Variants in DYNC2I1 observed in about 807,000 individuals in gnomAD.
The protein encoded by DYNC2I1 is cytoplasmic dynein 2 intermediate chain 1.
DYNC2I1 carries 89 observed loss-of-function variants against 133.4 expected under a neutral mutation model. The observed-to-expected ratio is 0.67, with a 90% confidence interval of 0.56 to 0.80. DYNC2I1 has a LOEUF of 0.80. Ranked by LOEUF, DYNC2I1 falls within the 30% of genes least tolerant of loss-of-function variation. The pLI is 0.00. For missense variants in DYNC2I1, 1,291 were observed against 1,314.5 expected, an observed-to-expected ratio of 0.98 and a Z score of 0.28; for synonymous variants, 504 against 484.3, an observed-to-expected ratio of 1.04 and a Z score of -0.54.
rs10266410 is a variant in DYNC2I1 at position 158,870,138 on chromosome 7, C to T, written c.69+230C>T. 4.1e-3 allele frequency among the ~76,000 whole-genome samples: 621 copies of T among 152,246 alleles called. 11 individuals carry two copies. The highest frequency in any genetic ancestry group is 0.014 in the African/African-American group (565 of 41,548). On this transcript the variant is annotated intron_variant, in intron 2 of 24. Coordinates refer to ENST00000407559, the MANE Select transcript of DYNC2I1 (RefSeq NM_018051.5). ...GGCTCTGCCATGGCTCAGGGGCCTC[C>T]GCACTGCTTTAGGGCAGGGAGTGCT...
At chr7:158,873,838 C>T (rs1348020664) in intron 3 of DYNC2I1, among the ~76,000 whole-genome samples, 1 of 151,482 alleles carries the variant, frequency 6.6e-6, no homozygotes, top group African/African-American at 2.4e-5. Context: ...CCCACTGCAG[C>T]CTCCGCCTCC....
At chr7:158,861,085 C>T (rs749315809) in intron 1 of DYNC2I1, among the ~76,000 whole-genome samples, 2 of 152,262 alleles carry the variant, frequency 1.3e-5, no homozygotes, top group Admixed American at 6.5e-5. Flanking sequence ...TGAAAGAGCT[C>T]AGGGCTGTCA....
chr7:158,952,135 A>G (rs1050316749), intron 4 of DYNC2I1, among the ~76,000 whole-genome samples: 2 of 152,132 alleles, frequency 1.3e-5, no homozygotes, highest in Non-Finnish European at 2.9e-5. Flanking sequence ...GCAGAAGAAG[A>G]GCCCAGAGGG....
intron 4 of DYNC2I1, 44 bp from the exon 5 acceptor site, chr7:158,879,639 CT>C: frequency 1.3e-6 from 2 of 1,518,630 alleles, no homozygotes; most frequent in South Asian, 2.7e-5. Context: ...GGCTGCACTC[CT>C]ATTTGATGTG....
intron 17 of DYNC2I1, among the ~76,000 whole-genome samples, chr7:158,925,751 C>T (rs1472371257): frequency 2.6e-5 from 4 of 152,078 alleles, no homozygotes; most frequent in Non-Finnish European, 5.9e-5. Flanking sequence ...CGGAGGTCTC[C>T]CCCATTTCCT....
At chr7:158,862,526 G>C (rs148271192) in intron 1 of DYNC2I1, among the ~76,000 whole-genome samples, 3,490 of 147,734 alleles carry the variant, frequency 0.024, 149 homozygotes, top group African/African-American at 0.084. Flanking sequence ...AGGCCAGCCT[G>C]GGCAACATAG....
chr7:158,935,149 A>G (rs1453934807), intron 23 of DYNC2I1, among the ~76,000 whole-genome samples: 1 of 152,244 alleles, frequency 6.6e-6, no homozygotes, highest in Non-Finnish European at 1.5e-5. Context: ...ATAGAAATTA[A>G]TGTTCAGAGT....
intron 24 of DYNC2I1, 37 bp downstream of exon 24, chr7:158,942,185 G>GC (rs1173786013): frequency 6.7e-7 from 1 of 1,481,998 alleles, no homozygotes; most frequent in Admixed American, 2.4e-5. Context: ...GCTGGTTGTG[G>GC]GGGGGCTTCG....
At chr7:158,899,345 C>T (rs750111514) in intron 8 of DYNC2I1, among the ~76,000 whole-genome samples, 32 of 152,186 alleles carry the variant, frequency 2.1e-4, no homozygotes, top group Non-Finnish European at 4.1e-4. Flanking sequence ...CACACATACA[C>T]ACACACGGAT....
intron 3 of DYNC2I1, among the ~76,000 whole-genome samples, chr7:158,871,815 C>T (rs1467480030): frequency 6.6e-6 from 1 of 152,210 alleles, no homozygotes; most frequent in Non-Finnish European, 1.5e-5. Flanking sequence ...GCATTACAGA[C>T]ATGCCACTGT....
rs570560884 is a variant in DYNC2I1 at position 158,922,438 on chromosome 7, C to T, written c.1983C>T (p.His661=). The change falls in exon 16 of 25, where the codon CAC becomes CAT. Residue 661 remains histidine (H), a synonymous_variant. Transcript: ENST00000407559. ...AGAGGCAGATGGTGGTCTCCGTTCA[C>T]GACTTACCCGAGAAGAGCTTTGTGC... ...RVQRQMVVSV[H]DLPEKSFVPL... is the part of the protein sequence containing the mutation. 48 of 1,614,004 alleles carry T rather than the reference C, an allele frequency of 3.0e-5. No individual in the cohort carries two copies. Among genetic ancestry groups the T allele is most frequent in the Middle Eastern group, 1.6e-4 (1 of 6,062 alleles).
chr7:158,942,670 T>C (rs188939103), intron 24 of DYNC2I1, among the ~76,000 whole-genome samples: 260 of 152,368 alleles, frequency 1.7e-3, no homozygotes, highest in African/African-American at 6.1e-3. Context: ...AAGTTTGTAA[T>C]GTCTGAACGA....
intron 23 of DYNC2I1, among the ~76,000 whole-genome samples, chr7:158,941,028 A>G (rs1421445506): frequency 1.3e-5 from 2 of 152,202 alleles, no homozygotes; most frequent in Admixed American, 1.3e-4. Flanking sequence ...ACAGAAGATC[A>G]ATGAAATGAA....
Position 158,926,984 on chromosome 7 carries a change from G to GT in DYNC2I1, c.2434-3dup, listed in dbSNP as rs751406987. 3.8e-6 allele frequency: 6 copies of GT among 1,593,994 alleles called. No individual in the cohort carries two copies. The highest frequency in any genetic ancestry group is 5.1e-6 in the Non-Finnish European group (6 of 1,167,418). ...TATCAATATTCATTTTCAATATTCT[G>GT]TTTTTAGGTGGTTGTTGAATTACCA... On this transcript the variant is annotated splice_region_variant and splice_polypyrimidine_tract_variant and intron_variant, in intron 19 of 24. Coordinates refer to ENST00000407559, the MANE Select transcript of DYNC2I1 (RefSeq NM_018051.5).
chr7:158,942,143 C>A lies in DYNC2I1; in HGVS notation c.2997C>A (p.Pro999=), dbSNP rs780558757. 1 of 1,544,248 alleles carries A rather than the reference C, an allele frequency of 6.5e-7. No homozygotes were observed. The highest frequency in any genetic ancestry group is 1.9e-5 in the Admixed American group (1 of 53,750). The change falls in exon 24 of 25, where the codon CCC becomes CCA. Residue 999 remains proline, a synonymous_variant. Coordinates refer to ENST00000407559, the MANE Select transcript of DYNC2I1 (RefSeq NM_018051.5). ...CTGTCGCCAAACAGCAGGTCTCCCC[C>A]AACAGGCAAGTGGGGAAGCTCTGGA... ...LGPVAKQQVS[P]NRLVAMAAVG...
intron 20 of DYNC2I1, among the ~76,000 whole-genome samples, chr7:158,927,539 A>T (rs1368684257): frequency 1.3e-5 from 2 of 151,322 alleles, no homozygotes; most frequent in Non-Finnish European, 1.5e-5. Flanking sequence ...TAGAATAATC[A>T]AATGATATTC....
chr7:158,909,662 AC>A (rs1304519181), intron 11 of DYNC2I1, among the ~76,000 whole-genome samples: 1 of 152,202 alleles, frequency 6.6e-6, no homozygotes, highest in East Asian at 1.9e-4. Context: ...TACCGGAGCA[AC>A]CAAGGCCGCT....
intron 8 of DYNC2I1, among the ~76,000 whole-genome samples, chr7:158,899,105 G>A (rs1846002890): frequency 6.6e-6 from 1 of 152,078 alleles, no homozygotes; most frequent in Non-Finnish European, 1.5e-5. Context: ...AATGGCATAG[G>A]ATTTGCATAT....
At chr7:158,873,637 ATAAAG>A (rs1563089719) in intron 3 of DYNC2I1, among the ~76,000 whole-genome samples, 3 of 152,202 alleles carry the variant, frequency 2.0e-5, no homozygotes, top group Admixed American at 6.5e-5. Flanking sequence ...ACTTAAAGAA[ATAAAG>A]TAGAGTCAGG....
Sources: allele counts gnomAD v4.1 joint callset (sites outside exome capture counted in the v4.1 genomes callset), GRCh38; gene constraint gnomAD v4.1.1; transcripts MANE v1.5; gene names NCBI Gene and HGNC (gene_info 2026-07-23, HGNC 2026-07-21).